Variants in CSMD3 observed in about 807,000 individuals in gnomAD.
The protein encoded by CSMD3 is CUB and sushi domain-containing protein 3.
CSMD3 carries 177 observed loss-of-function variants against 435.2 expected under a neutral mutation model. That is an observed-to-expected ratio of 0.41 (90% confidence interval 0.36 to 0.46). The LOEUF (loss-of-function observed/expected upper bound fraction) is 0.46. CSMD3 is among the 20% of genes least tolerant of loss of function. The pLI is 0.34. For synonymous variants in CSMD3, 1,656 were observed against 1,520.5 expected (o/e 1.09, Z -2.07); for missense variants, 4,265 against 4,504.6 (o/e 0.95, Z 1.52).
intron 5 of CSMD3, among the ~76,000 whole-genome samples, chr8:113,044,433 T>C (rs1564247937): frequency 6.7e-6 from 1 of 149,046 alleles, no homozygotes; most frequent in African/African-American, 2.4e-5. Context: ...TAAACATTTT[T>C]TTCTGATTTT....
At chr8:112,656,412 G>T (rs2075259035) in intron 17 of CSMD3, 71 bp from the exon 18 acceptor site, 3 of 1,136,344 alleles carry the variant, frequency 2.6e-6, no homozygotes, top group Non-Finnish European at 3.8e-6. Flanking sequence ...GCTTTGGACT[G>T]CTATTTAAAT....
At chr8:112,309,873 T>C (rs1821801241) in intron 50 of CSMD3, among the ~76,000 whole-genome samples, 1 of 152,186 alleles carries the variant, frequency 6.6e-6, no homozygotes, top group Admixed American at 6.5e-5. Context: ...TATTGGTTGA[T>C]TTTAAATTTT....
At chr8:112,747,658 C>A (rs1434752899) in intron 13 of CSMD3, among the ~76,000 whole-genome samples, 1 of 152,070 alleles carries the variant, frequency 6.6e-6, no homozygotes, top group Non-Finnish European at 1.5e-5. Context: ...ATAAACATGG[C>A]TGTGTCTCTA....
chr8:112,881,464 A>G (rs1222741501), intron 10 of CSMD3, among the ~76,000 whole-genome samples: 2 of 152,092 alleles, frequency 1.3e-5, no homozygotes, highest in Non-Finnish European at 2.9e-5. Flanking sequence ...ACATTTTCTT[A>G]CAATCCTATA....
At chr8:113,007,599 G>T (rs2086103916) in intron 6 of CSMD3, among the ~76,000 whole-genome samples, 1 of 151,886 alleles carries the variant, frequency 6.6e-6, no homozygotes, top group Non-Finnish European at 1.5e-5. Flanking sequence ...TTTCTGTTGT[G>T]TAAGCCACCC....
intron 7 of CSMD3, among the ~76,000 whole-genome samples, chr8:112,962,840 T>G (rs1345975935): frequency 6.6e-6 from 1 of 151,946 alleles, no homozygotes; most frequent in Admixed American, 6.6e-5. Flanking sequence ...CCCAGAAATT[T>G]GATCTGAATG....
intron 9 of CSMD3, among the ~76,000 whole-genome samples, chr8:112,942,292 T>C (rs1009737122): frequency 1.7e-4 from 25 of 150,076 alleles, no homozygotes; most frequent in African/African-American, 6.1e-4. Context: ...GTTCAGCCAC[T>C]GTGAAAAGCA....
chr8:113,034,877 A>C (rs1009959150), intron 5 of CSMD3, among the ~76,000 whole-genome samples: 1 of 152,112 alleles, frequency 6.6e-6, no homozygotes, highest in Non-Finnish European at 1.5e-5. Context: ...TTCATCAATA[A>C]ATTTTAACTA....
At chr8:113,129,079 T>C (rs543521307) in intron 4 of CSMD3, among the ~76,000 whole-genome samples, 2 of 152,314 alleles carry the variant, frequency 1.3e-5, no homozygotes, top group East Asian at 3.9e-4. Flanking sequence ...AAGGCACGTA[T>C]GAACTGTTGC....
chr8:112,877,196 TAG>T (rs1367104407), intron 10 of CSMD3, among the ~76,000 whole-genome samples: 2 of 152,074 alleles, frequency 1.3e-5, no homozygotes, highest in Non-Finnish European at 2.9e-5. Context: ...AAGTAATTTA[TAG>T]ATTCAATGCT....
chr8:113,408,618 G>T (rs562161828), intron 1 of CSMD3, among the ~76,000 whole-genome samples: 37 of 150,910 alleles, frequency 2.5e-4, no homozygotes, highest in Admixed American at 2.2e-3. Flanking sequence ...AGAAGCATGC[G>T]CACAGTTACA....
intron 61 of CSMD3, chr8:112,256,018 C>T (rs1489275891): frequency 6.6e-6 from 1 of 152,484 alleles, no homozygotes; most frequent in African/African-American, 2.4e-5. Flanking sequence ...TAAATCTACG[C>T]AAAACTATGG....
chr8:112,962,149 T>G lies in CSMD3; in HGVS notation c.1343-7388A>C, dbSNP rs1163324480. Among the ~76,000 whole-genome samples, 10 of 151,896 alleles carry G rather than the reference T, an allele frequency of 6.6e-5. No homozygotes were observed. In the East Asian group the frequency reaches 1.9e-3, roughly 29 times the overall value. On this transcript the variant is annotated intron_variant, in intron 7 of 70. Transcript: ENST00000297405. Reference sequence around the variant, plus strand: ...ATTAATATCCACTCAATTTATGCACTTTCTTGGGACTTTTTTTTTCTGATA... The same window carrying G: ...ATTAATATCCACTCAATTTATGCACGTTCTTGGGACTTTTTTTTTCTGATA...
intron 3 of CSMD3, among the ~76,000 whole-genome samples, chr8:113,191,783 G>C (rs1351258686): frequency 6.6e-6 from 1 of 151,720 alleles, no homozygotes; most frequent in Admixed American, 6.6e-5. Flanking sequence ...CCAGTAATAA[G>C]ATTGCTGGGT....
At chr8:113,246,641 A>G (rs962876257) in intron 3 of CSMD3, among the ~76,000 whole-genome samples, 3 of 152,046 alleles carry the variant, frequency 2.0e-5, no homozygotes, top group African/African-American at 4.8e-5. Flanking sequence ...TATTTCCATT[A>G]TAACTTGCAG....
intron 1 of CSMD3, among the ~76,000 whole-genome samples, chr8:113,342,956 G>C (rs1205313583): frequency 6.6e-6 from 1 of 151,936 alleles, no homozygotes; most frequent in African/African-American, 2.4e-5. Flanking sequence ...AGATAATTAA[G>C]AAGAGGAGAA....
chr8:112,469,020 C>A (rs776486271), intron 32 of CSMD3, among the ~76,000 whole-genome samples: 1 of 151,902 alleles, frequency 6.6e-6, no homozygotes, highest in Admixed American at 6.6e-5. Flanking sequence ...AATTGACTGA[C>A]AAAGAGTATT....
At chr8:112,285,528 G>A (rs1451338008) in intron 58 of CSMD3, among the ~76,000 whole-genome samples, 2 of 152,026 alleles carry the variant, frequency 1.3e-5, no homozygotes, top group African/African-American at 2.4e-5. Context: ...CCTCAGGAAA[G>A]TTTGATTGGG....
At chr8:113,182,266 A>C (rs1341129102) in intron 3 of CSMD3, among the ~76,000 whole-genome samples, 1 of 152,086 alleles carries the variant, frequency 6.6e-6, no homozygotes, top group Non-Finnish European at 1.5e-5. Flanking sequence ...AAATGAGATA[A>C]GTAAGTTTTT....
Sources: gnomAD v4.1 joint callset for allele counts (sites outside exome capture counted in the v4.1 genomes callset) on GRCh38, gnomAD v4.1.1 for gene constraint, MANE v1.5 for transcripts, NCBI Gene and HGNC (gene_info 2026-07-23, HGNC 2026-07-21) for gene names.